Variants in ANKRD62 observed in about 807,000 individuals in gnomAD.
ANKRD62 encodes the protein ankyrin repeat domain 62, also known as ankyrin repeat domain-containing protein 62.
In ANKRD62, 61 loss-of-function variants were observed where a neutral mutation model predicts 98.8. The ratio of observed to expected loss-of-function variants is 0.62; its 90% CI spans 0.50 to 0.76. The LOEUF (loss-of-function observed/expected upper bound fraction) is 0.76, where lower values mean the gene tolerates loss of function less well. Ranked by LOEUF, ANKRD62 falls within the 30% of genes least tolerant of loss-of-function variation. The pLI is 0.00. For missense variants in ANKRD62, 933 were observed against 1,082.9 expected (o/e 0.86, Z 1.94); for synonymous variants, 341 against 367.9 (o/e 0.93, Z 0.84).
intron 7 of ANKRD62, among the ~76,000 whole-genome samples, chr18:12,104,708 T>C (rs1251683113): frequency 6.6e-6 from 1 of 152,110 alleles, no homozygotes; most frequent in East Asian, 1.9e-4. Context: ...ACCCTCAAAT[T>C]TGACAAATAA....
At position 12,126,159 on chromosome 18, in the gene ANKRD62, C is replaced by A. The variant is rs1311057792; in HGVS notation, c.2338C>A (p.Gln780Lys). Residue 780 changes from glutamine (Q) to lysine (K), a missense_variant, in exon 13 of 14, where the codon CAA (glutamine) becomes AAA (lysine). Gln to Lys is a moderately conservative substitution (Grantham distance 53). Transcript: ENST00000587848. ...TGTAGAGGATGGACTATTTCAACTA[C>A]AAAGCCAAAATCTGTTGTATCAACA... is the stretch of plus-strand genomic sequence containing the variant. ...QSVEDGLFQL[Q>K]SQNLLYQQQC... 6.5e-7 allele frequency: 1 copy of A among 1,536,066 alleles called. No individual in the cohort carries two copies. Among genetic ancestry groups the A allele is most frequent in the East Asian group, 2.4e-5 (1 of 40,916 alleles).
the ANKRD62 span, among the ~76,000 whole-genome samples, chr18:12,139,057 T>G: frequency 1.3e-5 from 2 of 152,164 alleles, no homozygotes; most frequent in African/African-American, 2.4e-5. Context: ...AAGGTTAGTA[T>G]TGTTATGTGT....
At chr18:12,136,259 T>C in the ANKRD62 span, among the ~76,000 whole-genome samples, 1 of 151,996 alleles carries the variant, frequency 6.6e-6, no homozygotes, top group Non-Finnish European at 1.5e-5. Context: ...GCTTTCTACA[T>C]ATGGCTAGCC....
At chr18:12,123,218 C>CTT (rs753649393) in intron 11 of ANKRD62, among the ~76,000 whole-genome samples, 2 of 141,854 alleles carry the variant, frequency 1.4e-5, no homozygotes, top group African/African-American at 5.1e-5. Flanking sequence ...TTTCTAATTT[C>CTT]TTTTTTTTTT....
chr18:12,153,395 C>T, the ANKRD62 span, among the ~76,000 whole-genome samples: 1 of 151,848 alleles, frequency 6.6e-6, no homozygotes, highest in Non-Finnish European at 1.5e-5. Context: ...AGTTCAAGAC[C>T]AGCCTGGCCA....
At chr18:12,141,176 G>T in the ANKRD62 span, among the ~76,000 whole-genome samples, 3 of 152,224 alleles carry the variant, frequency 2.0e-5, no homozygotes, top group African/African-American at 7.2e-5. Context: ...TAATCTCCTG[G>T]TGTGCCGTTT....
At chr18:12,155,846 T>C in the ANKRD62 span, among the ~76,000 whole-genome samples, 105 of 152,224 alleles carry the variant, frequency 6.9e-4, no homozygotes, top group African/African-American at 2.4e-3. Flanking sequence ...CAGATAGACA[T>C]TGGGGAGATA....
chr18:12,164,197 T>A, the ANKRD62 span, among the ~76,000 whole-genome samples: 1 of 151,934 alleles, frequency 6.6e-6, no homozygotes, highest in Non-Finnish European at 1.5e-5. Flanking sequence ...ATTGGTAGGT[T>A]GTAGATATTT....
chr18:12,151,952 G>C, the ANKRD62 span, among the ~76,000 whole-genome samples: 1 of 151,670 alleles, frequency 6.6e-6, no homozygotes, highest in African/African-American at 2.4e-5. Context: ...ACACAAACTA[G>C]AAAACCTTCT....
chr18:12,097,595 G>A, intron 4 of ANKRD62, 45 bp from the exon 5 acceptor site: 2 of 1,497,340 alleles, frequency 1.3e-6, no homozygotes, highest in Non-Finnish European at 1.8e-6. Context: ...TTTTAACATA[G>A]CTTTGCTAAA....
chr18:12,156,859 A>G, the ANKRD62 span, among the ~76,000 whole-genome samples: 2 of 152,198 alleles, frequency 1.3e-5, no homozygotes, highest in Non-Finnish European at 2.9e-5. Context: ...TTTTGTCTTC[A>G]TAGGGTAGAA....
chr18:12,140,141 G>A, the ANKRD62 span, among the ~76,000 whole-genome samples: 1 of 152,130 alleles, frequency 6.6e-6, no homozygotes, highest in Non-Finnish European at 1.5e-5. Context: ...GATTGCATCG[G>A]TTACTGAGGC....
intron 5 of ANKRD62, 129 bp from the exon 6 acceptor site, chr18:12,099,486 T>C: frequency 3.9e-6 from 2 of 519,266 alleles, no homozygotes; most frequent in Non-Finnish European, 6.2e-6. Flanking sequence ...TTGTAGAGCT[T>C]ACAAACTAAA....
chr18:12,115,724 A>T (rs1379943599), intron 10 of ANKRD62, among the ~76,000 whole-genome samples, 190 bp downstream of exon 10: 1 of 152,100 alleles, frequency 6.6e-6, no homozygotes, highest in East Asian at 1.9e-4. Flanking sequence ...TGATCATTCC[A>T]CTGTACCTTT....
At chr18:12,167,909 A>G in the ANKRD62 span, among the ~76,000 whole-genome samples, 113 of 152,134 alleles carry the variant, frequency 7.4e-4, no homozygotes, top group East Asian at 2.1e-3. Flanking sequence ...TCATGTGTCT[A>G]TTGGCTGCAT....
At chr18:12,109,336 G>C (rs1007688249) in intron 8 of ANKRD62, among the ~76,000 whole-genome samples, 5 of 152,170 alleles carry the variant, frequency 3.3e-5, no homozygotes, top group Non-Finnish European at 5.9e-5. Flanking sequence ...CAAGGCATGG[G>C]TTTTTCACTC....
At chr18:12,180,939 C>CCCCCCG in the ANKRD62 span, among the ~76,000 whole-genome samples, 1 of 114,134 alleles carries the variant, frequency 8.8e-6, no homozygotes, top group African/African-American at 3.3e-5. Flanking sequence ...TGCTATCCCT[C>CCCCCCG]CCCCCCCACC....
intron 8 of ANKRD62, among the ~76,000 whole-genome samples, chr18:12,113,818 A>T (rs1278825780): frequency 6.6e-6 from 1 of 152,224 alleles, no homozygotes; most frequent in East Asian, 1.9e-4. Flanking sequence ...AATATAAATT[A>T]TTCTGTTATA....
intron 6 of ANKRD62, among the ~76,000 whole-genome samples, chr18:12,101,184 C>CT (rs543836728): frequency 4.6e-5 from 7 of 151,868 alleles, no homozygotes; most frequent in Admixed American, 6.6e-5. Context: ...GTGTACTTTT[C>CT]TTTTTTTTAA....
Sources: allele counts gnomAD v4.1 joint callset (sites outside exome capture counted in the v4.1 genomes callset), GRCh38; gene constraint gnomAD v4.1.1; transcripts MANE v1.5; gene names NCBI Gene and HGNC (gene_info 2026-07-23, HGNC 2026-07-21).